The following GCNT1 variants were observed in gnomAD, a reference collection of about 807,000 sequenced individuals.
The protein encoded by GCNT1 is glucosaminyl (N-acetyl) transferase 1, also known as beta-1,3-galactosyl-O-glycosyl-glycoprotein beta-1,6-N-acetylglucosaminyltransferase.
In GCNT1, 16 loss-of-function variants were observed where a neutral mutation model predicts 26.2. The ratio of observed to expected loss-of-function variants is 0.61; its 90% CI spans 0.41 to 0.93. The LOEUF (loss-of-function observed/expected upper bound fraction) is 0.93. Ranked by LOEUF, GCNT1 falls within the 40% of genes least tolerant of loss-of-function variation. The pLI is 0.00. For synonymous variants in GCNT1, 183 were observed against 190.8 expected, an observed-to-expected ratio of 0.96 and a Z score of 0.34; for missense variants, 477 against 526.7, an observed-to-expected ratio of 0.91 and a Z score of 0.92.
chr9:76,407,074 A>G, the GCNT1 span, among the ~76,000 whole-genome samples: 1 of 152,102 alleles, frequency 6.6e-6, no homozygotes, highest in African/African-American at 2.4e-5. Context: ...CCCATACACA[A>G]GGTCATCTAG....
the GCNT1 span, among the ~76,000 whole-genome samples, chr9:76,408,918 A>G: frequency 6.6e-6 from 1 of 152,080 alleles, no homozygotes; most frequent in Admixed American, 6.6e-5. Context: ...TAAACTCCTG[A>G]CCTGAAGTGA....
chr9:76,463,318 G>A (rs1823916527), intron 2 of GCNT1, among the ~76,000 whole-genome samples: 1 of 152,208 alleles, frequency 6.6e-6, no homozygotes, highest in Non-Finnish European at 1.5e-5. Context: ...AGAGCATTAA[G>A]CCAAGCACGG....
the GCNT1 span, among the ~76,000 whole-genome samples, chr9:76,395,111 C>T: frequency 2.6e-3 from 392 of 152,264 alleles, no homozygotes; most frequent in Middle Eastern, 0.01. Flanking sequence ...AGCCCGATAA[C>T]AGGCCGTCCC....
intron 1 of GCNT1, among the ~76,000 whole-genome samples, chr9:76,448,836 T>A (rs959192742): frequency 1.3e-5 from 2 of 152,384 alleles, no homozygotes; most frequent in Admixed American, 1.3e-4. Flanking sequence ...TAATATGATA[T>A]GCTGCAATTT....
chr9:76,403,258 A>T, the GCNT1 span, among the ~76,000 whole-genome samples: 1 of 152,200 alleles, frequency 6.6e-6, no homozygotes, highest in African/African-American at 2.4e-5. Flanking sequence ...CAAGGGTGTG[A>T]TGATTACTAA....
chr9:76,437,339 A>G (rs1174510167), upstream of GCNT1, among the ~76,000 whole-genome samples: 2 of 152,176 alleles, frequency 1.3e-5, no homozygotes, highest in South Asian at 2.1e-4. Flanking sequence ...AACAGTGTGC[A>G]GTAAAGAAGC....
At chr9:76,487,396 T>C (rs1346613314) in intron 2 of GCNT1, among the ~76,000 whole-genome samples, 1 of 152,204 alleles carries the variant, frequency 6.6e-6, no homozygotes, top group Non-Finnish European at 1.5e-5. Flanking sequence ...GTGAAATTGA[T>C]AAGTATTCAC....
At position 76,425,005 on chromosome 9, in the gene GCNT1, A is replaced by G. The variant is rs150119069; in HGVS notation, n.38+5118A>G. Among the ~76,000 whole-genome samples, 399 of 151,830 alleles carry G rather than the reference A, an allele frequency of 2.6e-3. 1 individual carries two copies. Among genetic ancestry groups the G allele is most frequent in the African/African-American group, 9.3e-3 (386 of 41,478 alleles). The stretch of plus-strand genomic sequence containing the variant: ...ATACAAAAAATTAGCCAGGCGTGGT[A>G]TCACGCGCCTGTAGTCCCAGCTACT... On this transcript the variant is annotated intron_variant and non_coding_transcript_variant, in intron 1 of 3. Transcript: ENST00000488136.
At chr9:76,432,074 A>G (rs751935496) in intron 1 of GCNT1, among the ~76,000 whole-genome samples, 1 of 152,152 alleles carries the variant, frequency 6.6e-6, no homozygotes, top group Non-Finnish European at 1.5e-5. Context: ...GCACCACTGC[A>G]CTCCAGCCTG....
the GCNT1 span, among the ~76,000 whole-genome samples, chr9:76,404,254 T>C: frequency 2.6e-5 from 4 of 152,200 alleles, no homozygotes; most frequent in Non-Finnish European, 4.4e-5. Context: ...ACAATGATGA[T>C]ATAAAATTTT....
rs1016900906 is a variant in GCNT1 at position 76,506,915 on chromosome 9, C to T, written c.*3247C>T. ...GTTCAGAAAAATAAAAATAATTTCTCATATTAAATACAGACGCTCCTCAAC... is the reference window on the plus strand; with the variant it reads ...GTTCAGAAAAATAAAAATAATTTCTTATATTAAATACAGACGCTCCTCAAC... On this transcript the variant is annotated 3_prime_UTR_variant, in exon 4 of 4. Coordinates refer to ENST00000376730, the MANE Select transcript of GCNT1 (RefSeq NM_001490.5). 5 of 166,958 alleles carry T rather than the reference C, an allele frequency of 3.0e-5. No homozygotes were observed. The highest frequency in any genetic ancestry group is 1.2e-4 in the African/African-American group (5 of 41,408). 10.3% of individuals were successfully genotyped at this position (166,958 alleles called of 1,614,324 possible).
the GCNT1 span, among the ~76,000 whole-genome samples, chr9:76,396,191 G>C: frequency 3.3e-5 from 5 of 152,196 alleles, no homozygotes; most frequent in Non-Finnish European, 5.9e-5. Flanking sequence ...AATCATAGGA[G>C]GTAAATGAGG....
At chr9:76,399,698 C>T in the GCNT1 span, 2 of 645,750 alleles carry the variant, frequency 3.1e-6, no homozygotes, top group East Asian at 5.4e-5. Context: ...CCATTTTTAC[C>T]CCTACTCCCA....
chr9:76,407,139 A>G, the GCNT1 span, among the ~76,000 whole-genome samples: 1 of 147,982 alleles, frequency 6.8e-6, no homozygotes, highest in Non-Finnish European at 1.5e-5. Flanking sequence ...TTACAAAATG[A>G]TCCATTTTGA....
chr9:76,481,373 T>TCA (rs1824417566), intron 2 of GCNT1, among the ~76,000 whole-genome samples: 1 of 151,560 alleles, frequency 6.6e-6, no homozygotes, highest in Admixed American at 6.6e-5. Flanking sequence ...CTGCCTGATA[T>TCA]ACATTTGTAA....
the GCNT1 span, among the ~76,000 whole-genome samples, chr9:76,404,749 G>A: frequency 6.6e-6 from 1 of 152,058 alleles, no homozygotes; most frequent in East Asian, 1.9e-4. Flanking sequence ...ATGAGCTCCT[G>A]GAAGGAATAC....
rs1218708783 is a variant in GCNT1 at position 76,505,527 on chromosome 9, G to A, written c.*1859G>A. Reference sequence around the variant, plus strand: ...AGAAAAGTTTTTACCTATAAGACAGGGCACCTTTTAACTCTAAAACTAGTG... The same window carrying A: ...AGAAAAGTTTTTACCTATAAGACAGAGCACCTTTTAACTCTAAAACTAGTG... On this transcript the variant is annotated 3_prime_UTR_variant, in exon 4 of 4. Transcript: ENST00000376730. 6.0e-6 allele frequency: 1 copy of A among 166,456 alleles called. No homozygotes were observed. The highest frequency in any genetic ancestry group is 6.6e-5 in the Admixed American group (1 of 15,266). 10.3% of individuals were successfully genotyped at this position (166,456 alleles called of 1,614,324 possible). A position where few individuals can be genotyped will look rare whatever the true frequency, so the allele number is the denominator to read the frequency against.
chr9:76,413,653 G>GTTTTTGT, the GCNT1 span, among the ~76,000 whole-genome samples: 1 of 118,664 alleles, frequency 8.4e-6, no homozygotes, highest in African/African-American at 3.1e-5. Flanking sequence ...GTTTTGTTTT[G>GTTTTTGT]TTTTTTTTTT....
At chr9:76,429,044 T>C (rs1823298626) in intron 1 of GCNT1, among the ~76,000 whole-genome samples, 2 of 152,302 alleles carry the variant, frequency 1.3e-5, no homozygotes, top group South Asian at 4.1e-4. Context: ...CAGGGATACA[T>C]GTGCAGGTTT....
Sources: allele counts gnomAD v4.1 joint callset (sites outside exome capture counted in the v4.1 genomes callset), GRCh38; gene constraint gnomAD v4.1.1; transcripts MANE v1.5; gene names NCBI Gene and HGNC (gene_info 2026-07-23, HGNC 2026-07-21).